PKIB: variants seen among roughly 807,000 people sequenced by gnomAD.
The protein encoded by PKIB is cAMP-dependent protein kinase inhibitor beta.
In PKIB, 2 loss-of-function variants were observed where a neutral mutation model predicts 4.5. The ratio of observed to expected loss-of-function variants is 0.44; its 90% CI spans 0.18 to 1.39. PKIB has a LOEUF of 1.39. PKIB is among the 40% of genes most tolerant of loss of function. The probability of loss-of-function intolerance (pLI) is 0.27; values close to 1 mark genes in which losing one functional copy is unlikely to be tolerated. For missense variants in PKIB, 94 were observed against 92.6 expected, an observed-to-expected ratio of 1.02 and a Z score of -0.06; for synonymous variants, 38 against 36.0, an observed-to-expected ratio of 1.06 and a Z score of -0.20.
chr6:122,505,085 A>T (rs556550120), intron 2 of PKIB, among the ~76,000 whole-genome samples: 1 of 152,362 alleles, frequency 6.6e-6, no homozygotes, highest in East Asian at 1.9e-4. Flanking sequence ...CATAGGCGTT[A>T]TCTATAGTAA....
intron 3 of PKIB, among the ~76,000 whole-genome samples, chr6:122,682,321 G>A (rs1460481787): frequency 6.6e-6 from 1 of 151,994 alleles, no homozygotes; most frequent in Admixed American, 6.6e-5. Context: ...CAACATGGGG[G>A]TCCTGGTCTC....
At chr6:122,556,946 G>C (rs995913852) in intron 2 of PKIB, among the ~76,000 whole-genome samples, 1 of 152,220 alleles carries the variant, frequency 6.6e-6, no homozygotes, top group Non-Finnish European at 1.5e-5. Context: ...GGGCGTGGTG[G>C]CTTACGCCTG....
chr6:122,716,965 A>T (rs1054220692), intron 3 of PKIB, among the ~76,000 whole-genome samples: 15 of 152,262 alleles, frequency 9.9e-5, no homozygotes, highest in African/African-American at 3.6e-4. Context: ...TAGCTTTTCA[A>T]TACAATGCTT....
chr6:122,572,996 A>G (rs1773415206), intron 2 of PKIB, among the ~76,000 whole-genome samples: 1 of 152,156 alleles, frequency 6.6e-6, no homozygotes, highest in Non-Finnish European at 1.5e-5. Flanking sequence ...TTGCCAACAC[A>G]GAAAATTTCA....
chr6:122,541,934 C>T (rs993781788), intron 2 of PKIB, among the ~76,000 whole-genome samples: 63 of 151,916 alleles, frequency 4.1e-4, no homozygotes, highest in African/African-American at 1.4e-3. Flanking sequence ...TCATTCATTT[C>T]GTCTTCTATC....
intron 2 of PKIB, among the ~76,000 whole-genome samples, chr6:122,501,928 A>AC (rs1257833882): frequency 8.4e-6 from 1 of 119,734 alleles, no homozygotes; most frequent in Non-Finnish European, 1.8e-5. Context: ...CAGCCAGGCC[A>AC]CTTTTTTTTT....
At chr6:122,533,085 A>G (rs1777303848) in intron 2 of PKIB, among the ~76,000 whole-genome samples, 1 of 152,216 alleles carries the variant, frequency 6.6e-6, no homozygotes, top group East Asian at 1.9e-4. Flanking sequence ...TGTAGCAAAT[A>G]TATGATCTCC....
chr6:122,641,031 T>A (rs1253320863), intron 2 of PKIB, among the ~76,000 whole-genome samples: 1 of 152,208 alleles, frequency 6.6e-6, no homozygotes, highest in East Asian at 1.9e-4. Context: ...TTTTATAATG[T>A]CTGCTTAAAG....
intron 2 of PKIB, among the ~76,000 whole-genome samples, chr6:122,497,223 G>C (rs558226586): frequency 6.6e-6 from 1 of 152,202 alleles, no homozygotes; most frequent in African/African-American, 2.4e-5. Context: ...AGATTATTCA[G>C]GAAGTTTAAA....
At chr6:122,591,174 C>A (rs555705419) in intron 3 of PKIB, among the ~76,000 whole-genome samples, 43 of 150,862 alleles carry the variant, frequency 2.9e-4, no homozygotes, top group Non-Finnish European at 5.3e-4. Context: ...GGTCCCCCCC[C>A]ACATCTAATT....
intron 3 of PKIB, chr6:122,701,500 G>A (rs1778811791): frequency 5.6e-6 from 9 of 1,596,392 alleles, no homozygotes; most frequent in Non-Finnish European, 6.8e-6. Context: ...GTCACACCAG[G>A]GTATAGTTAA....
intron 2 of PKIB, among the ~76,000 whole-genome samples, chr6:122,564,972 C>T (rs1773142276): frequency 6.6e-6 from 1 of 152,078 alleles, no homozygotes; most frequent in Admixed American, 6.5e-5. Context: ...GAAACTGAGA[C>T]CATGTTGAGC....
intron 3 of PKIB, among the ~76,000 whole-genome samples, chr6:122,603,284 T>C (rs1445208863): frequency 6.6e-6 from 1 of 152,062 alleles, no homozygotes; most frequent in East Asian, 1.9e-4. Flanking sequence ...CTTACTGGAG[T>C]TCTGATAAAA....
At chr6:122,490,960 A>T (rs1428248599) in intron 2 of PKIB, among the ~76,000 whole-genome samples, 1 of 152,164 alleles carries the variant, frequency 6.6e-6, no homozygotes, top group Non-Finnish European at 1.5e-5. Flanking sequence ...CAGTGAATCT[A>T]TACTGGTCTC....
chr6:122,546,945 A>G (rs1486181798), intron 2 of PKIB, among the ~76,000 whole-genome samples: 3 of 152,118 alleles, frequency 2.0e-5, no homozygotes, highest in Non-Finnish European at 1.5e-5. Context: ...ATGCTATAGC[A>G]CAGAGATACA....
At chr6:122,685,926 G>C (rs574266458) in intron 3 of PKIB, among the ~76,000 whole-genome samples, 4 of 152,160 alleles carry the variant, frequency 2.6e-5, no homozygotes, top group African/African-American at 9.6e-5. Flanking sequence ...TTCTGTGCCT[G>C]GCTTATTTCA....
At chr6:122,687,576 C>T (rs1778143097) in intron 3 of PKIB, among the ~76,000 whole-genome samples, 1 of 152,114 alleles carries the variant, frequency 6.6e-6, no homozygotes, top group Non-Finnish European at 1.5e-5. Flanking sequence ...GACGTTTTAA[C>T]ATTATTGATT....
upstream of PKIB, among the ~76,000 whole-genome samples, chr6:122,609,199 A>G (rs1391715690): frequency 3.9e-5 from 6 of 152,198 alleles, no homozygotes; most frequent in African/African-American, 7.2e-5. Context: ...CCTACATCAC[A>G]ATTCAGAAAA....
chr6:122,491,985 T>G (rs1775945636), intron 2 of PKIB, among the ~76,000 whole-genome samples: 1 of 152,180 alleles, frequency 6.6e-6, no homozygotes, highest in African/African-American at 2.4e-5. Context: ...ACTACATTAC[T>G]AAAAGCTAAG....
Sources: gnomAD v4.1 joint callset for allele counts (sites outside exome capture counted in the v4.1 genomes callset) on GRCh38, gnomAD v4.1.1 for gene constraint, MANE v1.5 for transcripts, NCBI Gene and HGNC (gene_info 2026-07-23, HGNC 2026-07-21) for gene names.